The following PKN3 variants were observed in gnomAD, a reference collection of about 807,000 sequenced individuals.
PKN3 encodes serine/threonine-protein kinase N3.
Under a neutral mutation model 113.1 loss-of-function variants are expected in PKN3, and 91 were observed. The observed-to-expected ratio is 0.80, with a 90% CI of 0.68 to 0.96. The LOEUF (loss-of-function observed/expected upper bound fraction) is 0.96. Ranked by LOEUF, PKN3 falls within the 40% of genes least tolerant of loss-of-function variation. The pLI is 0.00. For synonymous variants in PKN3, 467 were observed against 499.0 expected (o/e 0.94, Z 0.85); for missense variants, 1,052 against 1,202.2 (o/e 0.88, Z 1.85).
At chr9:128,705,705 A>G in intron 2 of PKN3, 29 bp from the exon 3 acceptor site, 1 of 1,576,526 alleles carries the variant, frequency 6.3e-7, no homozygotes, top group Non-Finnish European at 8.6e-7. Flanking sequence ...TGGGTGAGGG[A>G]CTCCTGTGCT....
At chr9:128,704,175 G>A (rs1861939966) in intron 1 of PKN3, 5 of 983,858 alleles carry the variant, frequency 5.1e-6, no homozygotes, top group Non-Finnish European at 6.0e-6. Context: ...GGCATCATGG[G>A]TTACCCGGCC....
intron 1 of PKN3, among the ~76,000 whole-genome samples, 200 bp from the exon 2 acceptor site, chr9:128,705,103 G>C (rs1216090260): frequency 6.6e-6 from 1 of 152,178 alleles, no homozygotes; most frequent in African/African-American, 2.4e-5. Context: ...GAGGACAGGA[G>C]CCTGGCCTAG....
At chr9:128,717,861 TAAAAAAAAAAAAA>T (rs67487928) in intron 16 of PKN3, among the ~76,000 whole-genome samples, 1 of 97,858 alleles carries the variant, frequency 1.0e-5, no homozygotes, top group African/African-American at 4.1e-5. Context: ...CTATAAAAAC[TAAAAAAAAAAAAA>T]AAAAAAAAAA....
chr9:128,706,738 A>G lies in PKN3; in HGVS notation c.437A>G (p.Gln146Arg). ...GAGAGGAAGCTCCTGGCAGCTGCCC[A>G]GCAGATGCTGCGGGACAGCCAGCTG... ...PKERKLLAAA[Q>R]QMLRDSQLKV... is the part of the protein sequence containing the mutation. Residue 146 changes from glutamine (Q) to arginine (R), a missense_variant, in exon 4 of 22, where the codon CAG (glutamine) becomes CGG (arginine). Coordinates refer to ENST00000291906, the MANE Select transcript of PKN3 (RefSeq NM_013355.5). The G allele has an allele frequency of 1.3e-6, 2 of 1,597,564 alleles. No individual in the cohort carries two copies. Among genetic ancestry groups the G allele is most frequent in the East Asian group, 2.2e-5 (1 of 44,482 alleles).
At chr9:128,717,703 CAG>C (rs1185782272) in intron 16 of PKN3, among the ~76,000 whole-genome samples, 1 of 123,340 alleles carries the variant, frequency 8.1e-6, no homozygotes, top group African/African-American at 3.2e-5. Context: ...GGTCTGGCGA[CAG>C]AGTGAGACTC....
chr9:128,705,149 T>C lies in PKN3; in HGVS notation c.25-154T>C, dbSNP rs958786374. ...TCGGAGTTTCCATCTGGCTCAGGCC[T>C]GAGCTCTAAGGGGAGAGAGGCTTCC... On this transcript the variant is annotated intron_variant, in intron 1 of 21. Coordinates refer to ENST00000291906, the MANE Select transcript of PKN3 (RefSeq NM_013355.5). Among the ~76,000 whole-genome samples, 10 of 152,258 alleles carry C rather than the reference T, an allele frequency of 6.6e-5. 1 individual carries two copies. Among genetic ancestry groups the C allele is most frequent in the African/African-American group, 2.4e-4 (10 of 41,554 alleles).
chr9:128,709,090 C>T (rs1208603161), intron 6 of PKN3, among the ~76,000 whole-genome samples: 2 of 151,236 alleles, frequency 1.3e-5, no homozygotes, highest in African/African-American at 2.4e-5. Flanking sequence ...TCGAGACCAT[C>T]CTGGCTAACA....
At position 128,714,344 on chromosome 9, in the gene PKN3, C is replaced by A. The variant is rs1862275087; in HGVS notation, c.1460C>A (p.Ala487Asp). The A allele has an allele frequency of 1.9e-6, 3 of 1,602,846 alleles. No individual in the cohort carries two copies. Among genetic ancestry groups the A allele is most frequent in the Non-Finnish European group, 1.7e-6 (2 of 1,173,686 alleles). The change falls in exon 11 of 22, where the codon GCC becomes GAC. Residue 487 changes from alanine (A) to aspartate (D), a missense_variant. Transcript: ENST00000291906. ...CPRTPTTLREASDPATPSNFL... is the reference protein window; with the variant it reads ...CPRTPTTLREDSDPATPSNFL... ...CGGACCCCAACAACACTGCGAGAGG[C>A]CTCTGACCCTGCCACTCCCAGGTGA... is the stretch of plus-strand genomic sequence containing the variant.
At position 128,715,876 on chromosome 9, in the gene PKN3, G is replaced by A. The variant is rs959026289; in HGVS notation, c.1808+416G>A. Among the ~76,000 whole-genome samples the A allele has an allele frequency of 6.6e-6, 1 of 152,100 alleles. No individual in the cohort carries two copies. Among genetic ancestry groups the A allele is most frequent in the Non-Finnish European group, 1.5e-5 (1 of 68,020 alleles). On this transcript the variant is annotated intron_variant, in intron 15 of 21. Coordinates refer to ENST00000291906, the MANE Select transcript of PKN3 (RefSeq NM_013355.5). This position sits in a 1 kb window ranked among gnomAD's most constrained non-coding sequence, Gnocchi z 4.1. ...AAAATAGCCAGACATGGTGGCATGT[G>A]CCTTTAGTCCCAGCTACTTGGGAGG...
chr9:128,707,555 A>C, intron 6 of PKN3, 150 bp downstream of exon 6: 1 of 660,762 alleles, frequency 1.5e-6, no homozygotes, highest in Non-Finnish European at 2.6e-6. Context: ...TTCCTTCTTC[A>C]AACCTCAGTT....
intron 15 of PKN3, 129 bp from the exon 16 acceptor site, chr9:128,716,618 A>G: frequency 1.4e-6 from 1 of 705,670 alleles, no homozygotes; most frequent in Non-Finnish European, 2.4e-6. Context: ...AAAAAATGAA[A>G]AGAAACCATC....
At chr9:128,703,046 G>T in intron 1 of PKN3, 107 bp downstream of exon 1, 2 of 774,954 alleles carry the variant, frequency 2.6e-6, no homozygotes, top group Non-Finnish European at 3.7e-6. Flanking sequence ...CCCCTCACCC[G>T]CGCCCCTTCC....
Position 128,714,076 on chromosome 9 carries a change from C to T in PKN3, c.1267C>T (p.Arg423Trp), listed in dbSNP as rs1030805889. Residue 423 changes from arginine (R) to tryptophan (W), a missense_variant, in exon 10 of 22, where the codon CGG becomes TGG. Around this residue, in one of 2 missense-constraint regions of PKN3, gnomAD observed 719 missense variants for 759.4 expected, o/e 0.95. Coordinates refer to ENST00000291906, the MANE Select transcript of PKN3 (RefSeq NM_013355.5). Reference protein sequence around the residue: ...VTFCDPVIERRPRLQRQERIF... With the variant: ...VTFCDPVIERWPRLQRQERIF... The stretch of plus-strand genomic sequence containing the variant: ...CTTCTGCGATCCTGTCATTGAGAGG[C>T]GGCCCCGGCTGCAGAGGCAGGAACG... The T allele has an allele frequency of 2.4e-5, 39 of 1,613,968 alleles. No individual in the cohort carries two copies. Among genetic ancestry groups the T allele is most frequent in the Non-Finnish European group, 2.8e-5 (33 of 1,179,992 alleles).
chr9:128,716,559 C>T (rs995149452), intron 15 of PKN3, among the ~76,000 whole-genome samples, 188 bp from the exon 16 acceptor site: 1 of 150,062 alleles, frequency 6.7e-6, no homozygotes, highest in Non-Finnish European at 1.5e-5. Flanking sequence ...GATCACACCA[C>T]AGCACTCCAG....
intron 16 of PKN3, 135 bp from the exon 17 acceptor site, chr9:128,718,189 CT>C (rs1325164627): frequency 1.4e-6 from 1 of 735,104 alleles, no homozygotes; most frequent in Non-Finnish European, 2.5e-6. Flanking sequence ...CAGCATGATG[CT>C]TGTCCCAGTC....
chr9:128,713,295 C>CT lies in PKN3; in HGVS notation c.1001dup (p.Val336GlyfsTer32). On this transcript the variant is annotated frameshift_variant, in exon 8 of 22. Transcript: ENST00000291906. LOFTEE classifies it high-confidence loss of function. ...CCCTGCAGGCGAGGTGCTGGCTGTG[C>CT]TAAAGGTGGACAACCGTGTTGTGGG... 6.2e-7 allele frequency: 1 copy of CT among 1,614,038 alleles called. No individual in the cohort carries two copies. Among genetic ancestry groups the CT allele is most frequent in the Non-Finnish European group, 8.5e-7 (1 of 1,179,986 alleles).
At position 128,705,787 on chromosome 9, in the gene PKN3, C is replaced by A. The variant is rs1183411757; in HGVS notation, c.319C>A (p.Leu107Ile). 6.2e-7 allele frequency: 1 copy of A among 1,608,562 alleles called. No individual in the cohort carries two copies. The highest frequency in any genetic ancestry group is 8.5e-7 in the Non-Finnish European group (1 of 1,177,678). ...PWAEQLRARH[L>I]EALRRQLHVE... ...GGCAGAGCAGCTCAGGGCTCGGCAC[C>A]TAGAGGCTCTCCGGAGGCAGCTGCA... Residue 107 changes from leucine to isoleucine, a missense_variant, in exon 3 of 22, where the codon CTA (leucine) becomes ATA (isoleucine). Transcript: ENST00000291906.
chr9:128,709,598 C>A (rs1464398723), intron 6 of PKN3, among the ~76,000 whole-genome samples: 1 of 150,914 alleles, frequency 6.6e-6, no homozygotes, highest in East Asian at 2.0e-4. Flanking sequence ...CTAAAAAATA[C>A]AAAATTAGCC....
rs756902573 is a variant in PKN3, at chr9:128,718,379, C to T, written c.2040C>T (p.Ile680=). The T allele has an allele frequency of 1.4e-6, 2 of 1,383,226 alleles. No homozygotes were observed. The highest frequency in any genetic ancestry group is 2.3e-5 in the South Asian group (2 of 86,608). 85.7% of individuals were successfully genotyped at this position (1,383,226 alleles called of 1,614,324 possible). The change falls in exon 17 of 22, where the codon ATC becomes ATT. Residue 680 remains isoleucine, a synonymous_variant. Coordinates refer to ENST00000291906, the MANE Select transcript of PKN3 (RefSeq NM_013355.5). The part of the protein sequence containing the change: ...LGLQFLHEKK[I]IYRDLKLDNL... ...TGCAGTTCTTACACGAGAAGAAGAT[C>T]ATTTACAGGTGACTTTTGTCCCAGG...
Sources: allele counts gnomAD v4.1 joint callset (sites outside exome capture counted in the v4.1 genomes callset), GRCh38; gene constraint gnomAD v4.1.1; regional missense constraint gnomAD v4.1.1; non-coding constraint Gnocchi (gnomAD v3.1); transcripts MANE v1.5; gene names NCBI Gene and HGNC (gene_info 2026-07-23, HGNC 2026-07-21).